The following ASTN2 variants were observed in gnomAD, a reference collection of about 807,000 sequenced individuals.
The protein encoded by ASTN2 is astrotactin 2.
A neutral mutation model predicts 139.8 loss-of-function variants in ASTN2; 54 were observed. The ratio of observed to expected loss-of-function variants is 0.39; its 90% CI spans 0.31 to 0.48. ASTN2 has a LOEUF of 0.48. ASTN2 is among the 20% of genes least tolerant of loss of function. The pLI, the probability that ASTN2 is intolerant of heterozygous loss-of-function variation, is 0.95. For missense variants in ASTN2, 1,565 were observed against 1,725.1 expected (o/e 0.91, Z 1.64); for synonymous variants, 756 against 719.5 (o/e 1.05, Z -0.81).
intron 17 of ASTN2, among the ~76,000 whole-genome samples, chr9:116,624,190 T>G (rs1336773372): frequency 1.3e-5 from 2 of 152,148 alleles, no homozygotes; most frequent in Non-Finnish European, 2.9e-5. Context: ...AAAACTAGGA[T>G]GTATTTCTGA....
intron 1 of ASTN2, among the ~76,000 whole-genome samples, chr9:117,314,347 C>G (rs1004877231): frequency 6.6e-6 from 1 of 151,906 alleles, no homozygotes; most frequent in Non-Finnish European, 1.5e-5. Context: ...AGGGTTCAGA[C>G]AGTGAGTGCT....
At position 117,292,798 on chromosome 9, in the gene ASTN2, C is replaced by G. The variant is rs74793295; in HGVS notation, c.443-1285G>C. 8.9e-4 allele frequency among the ~76,000 whole-genome samples: 135 copies of G among 152,136 alleles called. 1 individual carries two copies. The East Asian group carries it at 0.022, about 24-fold the overall frequency. On this transcript the variant is annotated intron_variant, in intron 1 of 22. Coordinates refer to ENST00000313400, the MANE Select transcript of ASTN2 (RefSeq NM_001365068.1). ...CTCTCTCCATGTCCCACTGCAGCAC[C>G]CATCATATCTGATGACACGGAATGA...
At chr9:116,916,813 C>G (rs1212519191) in intron 10 of ASTN2, among the ~76,000 whole-genome samples, 7 of 152,094 alleles carry the variant, frequency 4.6e-5, no homozygotes, top group Admixed American at 4.6e-4. Context: ...GCCTGGGTGA[C>G]AGGGTGAGAC....
intron 16 of ASTN2, among the ~76,000 whole-genome samples, chr9:116,688,094 T>C (rs1344402025): frequency 6.6e-6 from 1 of 151,682 alleles, no homozygotes; most frequent in Non-Finnish European, 1.5e-5. Context: ...AGCAGAAATC[T>C]GGGGTGAGGA....
chr9:117,299,122 T>A (rs1834811992), intron 1 of ASTN2, among the ~76,000 whole-genome samples: 1 of 152,180 alleles, frequency 6.6e-6, no homozygotes, highest in Non-Finnish European at 1.5e-5. Context: ...TGTTTAGACA[T>A]GAGTATGTGT....
At chr9:116,840,513 C>CT (rs1273603092) in intron 11 of ASTN2, among the ~76,000 whole-genome samples, 37 of 126,358 alleles carry the variant, frequency 2.9e-4, no homozygotes, top group Middle Eastern at 4.2e-3. Context: ...GGGCTGACCC[C>CT]CCCCACCTCC....
chr9:117,358,953 A>T (rs1441625965), intron 1 of ASTN2, among the ~76,000 whole-genome samples: 1 of 152,136 alleles, frequency 6.6e-6, no homozygotes, highest in Non-Finnish European at 1.5e-5. Context: ...TGAAACGTTG[A>T]TCTCCAACAT....
rs777675838 is a variant in ASTN2, at chr9:117,200,996, C to CTTTTTT, written c.1015+13356_1015+13361dup. Reference sequence around the variant, plus strand: ...AGCTATGAAACCATCTGGTCCTGGGCTTTTTTTTTTTTTTTTTTTGGTTGG... The same window carrying CTTTTTT: ...AGCTATGAAACCATCTGGTCCTGGGCTTTTTTTTTTTTTTTTTTTTTTTTTGGTTGG... On this transcript the variant is annotated intron_variant, in intron 3 of 22. Transcript: ENST00000313400. Among the ~76,000 whole-genome samples the CTTTTTT allele has an allele frequency of 2.4e-3, 224 of 94,934 alleles. 6 individuals are homozygous for CTTTTTT. The highest frequency in any genetic ancestry group is 9.4e-3 in the Middle Eastern group (1 of 106). The allele number at this position is 94,934 out of a possible 152,430, so 62.3% of individuals were successfully genotyped here. A position where few individuals can be genotyped will look rare whatever the true frequency, so the allele number is the denominator to read the frequency against.
intron 11 of ASTN2, among the ~76,000 whole-genome samples, chr9:116,848,571 G>A (rs942507754): frequency 6.6e-6 from 1 of 152,204 alleles, no homozygotes; most frequent in Admixed American, 6.5e-5. Context: ...AAGTGGTGGA[G>A]CCAGGAAGCC....
intron 6 of ASTN2, among the ~76,000 whole-genome samples, chr9:117,033,527 A>G (rs141076527): frequency 2.5e-3 from 377 of 152,272 alleles, no homozygotes; most frequent in Non-Finnish European, 4.8e-3. Flanking sequence ...AGCACAAGTC[A>G]CACAGTCAAC....
At chr9:116,676,106 G>C (rs1442229401) in intron 16 of ASTN2, among the ~76,000 whole-genome samples, 1 of 152,158 alleles carries the variant, frequency 6.6e-6, no homozygotes, top group Non-Finnish European at 1.5e-5. Flanking sequence ...GACCCCCACA[G>C]CTATAGCACA....
At chr9:117,011,493 C>A (rs142331075) in intron 6 of ASTN2, among the ~76,000 whole-genome samples, 2 of 152,308 alleles carry the variant, frequency 1.3e-5, no homozygotes, top group East Asian at 3.9e-4. Context: ...TTGGAATCTG[C>A]AGTCTCCAGA....
At chr9:116,461,999 G>A (rs1848500676) in intron 20 of ASTN2, among the ~76,000 whole-genome samples, 1 of 152,040 alleles carries the variant, frequency 6.6e-6, no homozygotes, top group Admixed American at 6.6e-5. Flanking sequence ...CCTCATGTTG[G>A]CCTGTTAAAT....
chr9:116,683,220 A>G (rs1230538224), intron 16 of ASTN2, among the ~76,000 whole-genome samples: 2 of 152,018 alleles, frequency 1.3e-5, no homozygotes, highest in Non-Finnish European at 2.9e-5. Flanking sequence ...AGACTGTGAT[A>G]TTAGAATCGA....
intron 16 of ASTN2, among the ~76,000 whole-genome samples, chr9:116,718,996 C>CATATATATATATA (rs1828400933): frequency 2.5e-5 from 1 of 40,046 alleles, no homozygotes; most frequent in African/African-American, 9.5e-5. Context: ...ATATATCTGC[C>CATATATATATATA]TATAAGTCTC....
chr9:116,567,006 C>T (rs1470691464), intron 19 of ASTN2, among the ~76,000 whole-genome samples: 1 of 152,222 alleles, frequency 6.6e-6, no homozygotes, highest in African/African-American at 2.4e-5. Flanking sequence ...GCATCTGCTT[C>T]TCAGAGGATC....
chr9:116,836,595 TG>T (rs1017079398), intron 11 of ASTN2, among the ~76,000 whole-genome samples: 143 of 152,210 alleles, frequency 9.4e-4, no homozygotes, highest in African/African-American at 3.4e-3. Context: ...TGTTTTGTTT[TG>T]TTTTGTTTTG....
At chr9:116,914,547 T>TTTA (rs144153990) in intron 10 of ASTN2, among the ~76,000 whole-genome samples, 35,137 of 146,676 alleles carry the variant, frequency 0.24, 4,574 homozygotes, top group Non-Finnish European at 0.29. Context: ...TGTAAAGTGT[T>TTTA]TTATTATTAT....
intron 13 of ASTN2, among the ~76,000 whole-genome samples, chr9:116,748,811 G>T (rs1395358955): frequency 6.6e-6 from 1 of 152,112 alleles, no homozygotes; most frequent in Non-Finnish European, 1.5e-5. Context: ...ATAACTTGCT[G>T]TGTGATCTTG....
Sources: gnomAD v4.1 joint callset for allele counts (sites outside exome capture counted in the v4.1 genomes callset) on GRCh38, gnomAD v4.1.1 for gene constraint, MANE v1.5 for transcripts, NCBI Gene and HGNC (gene_info 2026-07-23, HGNC 2026-07-21) for gene names.